The following FBLIM1 variants were observed in gnomAD, a reference collection of about 807,000 sequenced individuals.
FBLIM1 encodes filamin-binding LIM protein 1.
A neutral mutation model predicts 37.4 loss-of-function variants in FBLIM1; 29 were observed. The observed-to-expected ratio is 0.77, with a 90% CI of 0.58 to 1.06. FBLIM1 has a LOEUF of 1.06. Ranked by LOEUF, FBLIM1 falls within the 50% of genes least tolerant of loss-of-function variation. The pLI is 0.00. For missense variants in FBLIM1, 449 were observed against 505.6 expected (o/e 0.89, Z 1.07); for synonymous variants, 193 against 199.0 (o/e 0.97, Z 0.25).
chr1:15,769,180 T>A (rs947907710), intron 5 of FBLIM1, among the ~76,000 whole-genome samples: 7 of 152,174 alleles, frequency 4.6e-5, no homozygotes, highest in Admixed American at 3.3e-4. Flanking sequence ...CACATCAGAA[T>A]ATAAAGTGGC....
At chr1:15,778,341 G>C (rs1210525147) in intron 8 of FBLIM1, among the ~76,000 whole-genome samples, 1 of 152,132 alleles carries the variant, frequency 6.6e-6, no homozygotes, top group African/African-American at 2.4e-5. Context: ...GAGATGGGTG[G>C]ATTACTTGAG....
intron 7 of FBLIM1, among the ~76,000 whole-genome samples, chr1:15,776,593 A>ATGTG (rs2069495385): frequency 1.3e-5 from 2 of 151,598 alleles, no homozygotes; most frequent in East Asian, 2.0e-4. Context: ...GGCTGGGCAC[A>ATGTG]GTGGCTCACG....
At chr1:15,769,146 C>T (rs923176497) in intron 5 of FBLIM1, among the ~76,000 whole-genome samples, 1 of 152,192 alleles carries the variant, frequency 6.6e-6, no homozygotes, top group Admixed American at 6.5e-5. Flanking sequence ...ACTTTCTTTC[C>T]TTCGTACATC....
chr1:15,784,935 G>A lies in FBLIM1; in HGVS notation c.*274G>A, dbSNP rs114521883. On this transcript the variant is annotated 3_prime_UTR_variant, in exon 9 of 9. Coordinates refer to ENST00000375766, the MANE Select transcript of FBLIM1 (RefSeq NM_017556.4). ...CCCCACTTCCAGGGAAAAGCTGGGGGAGGTTGGACCCCTCTCACTGACTAG... is the reference window on the plus strand; with the variant it reads ...CCCCACTTCCAGGGAAAAGCTGGGGAAGGTTGGACCCCTCTCACTGACTAG... 8,164 of 350,070 alleles carry A rather than the reference G, an allele frequency of 0.023. 143 individuals are homozygous for A. Among genetic ancestry groups the A allele is most frequent in the Middle Eastern group, 0.062 (78 of 1,268 alleles). 21.7% of individuals were successfully genotyped at this position (350,070 alleles called of 1,614,324 possible).
chr1:15,767,460 C>A lies in FBLIM1; in HGVS notation c.335C>A (p.Pro112Gln). ...CTCCCACCCCCTCCACCGCCCCCTC[C>A]AGTGCTTCTGCCTTCTGAAGAGGAG... Reference protein sequence around the residue: ...DLLPPPPPPPPVLLPSEEEAP... With the variant: ...DLLPPPPPPPQVLLPSEEEAP... Residue 112 changes from proline to glutamine, a missense_variant, in exon 4 of 9, where the codon CCA becomes CAA. By Grantham distance (76) the Pro-to-Gln change is moderately conservative. Coordinates refer to ENST00000375766, the MANE Select transcript of FBLIM1 (RefSeq NM_017556.4). 1.3e-6 allele frequency: 2 copies of A among 1,573,786 alleles called. No homozygotes were observed. Among genetic ancestry groups the A allele is most frequent in the Non-Finnish European group, 8.6e-7 (1 of 1,161,264 alleles).
chr1:15,759,296 T>C (rs889980913), intron 1 of FBLIM1, among the ~76,000 whole-genome samples: 3 of 152,192 alleles, frequency 2.0e-5, no homozygotes, highest in African/African-American at 7.2e-5. Context: ...AGGCCCCTTT[T>C]CCTAGCCAGG....
rs758305400 is a variant in FBLIM1, at chr1:15,774,892, G to C, written c.890+96G>C. The C allele has an allele frequency of 1.9e-6, 3 of 1,608,670 alleles. No individual in the cohort carries two copies. The South Asian group carries it at 3.3e-5, about 18-fold the overall frequency. On this transcript the variant is annotated intron_variant, in intron 7 of 8. Transcript: ENST00000375766. Reference sequence around the variant, plus strand: ...AGCTTGAGTCCTGGGTGCTGGGCCAGAGTTTCCTGTCTACTGGTTTATTAT... The same window carrying C: ...AGCTTGAGTCCTGGGTGCTGGGCCACAGTTTCCTGTCTACTGGTTTATTAT...
chr1:15,770,022 C>T (rs1296907703), intron 5 of FBLIM1, among the ~76,000 whole-genome samples: 1 of 152,020 alleles, frequency 6.6e-6, no homozygotes, highest in Non-Finnish European at 1.5e-5. Context: ...TCTCGGCTCA[C>T]TATAACCTCT....
rs1037912666 is a variant in FBLIM1, at chr1:15,777,098, A to C, written c.891-72A>C. 2.4e-6 allele frequency: 3 copies of C among 1,245,744 alleles called. No homozygotes were observed. The Admixed American group carries it at 5.7e-5, about 24-fold the overall frequency. 77.2% of individuals were successfully genotyped at this position (1,245,744 alleles called of 1,614,324 possible). ...CAGGAGGTGAACACCAGCCAGCCCG[A>C]GTTCTGACAGCTAATTAATTTCTGT... On this transcript the variant is annotated intron_variant, in intron 7 of 8. Transcript: ENST00000375766.
chr1:15,783,665 T>C (rs2069701912), intron 8 of FBLIM1, among the ~76,000 whole-genome samples: 1 of 139,342 alleles, frequency 7.2e-6, no homozygotes, highest in South Asian at 2.5e-4. Context: ...AAGCTCTGCC[T>C]CCCGGGTTCA....
At chr1:15,781,520 CAAA>C (rs1283687524) in intron 8 of FBLIM1, among the ~76,000 whole-genome samples, 1 of 25,170 alleles carries the variant, frequency 4.0e-5, no homozygotes. Flanking sequence ...GACTCTGTCT[CAAA>C]AAAAAAAAAA....
chr1:15,775,804 C>T (rs2069469474), intron 7 of FBLIM1, among the ~76,000 whole-genome samples: 1 of 152,042 alleles, frequency 6.6e-6, no homozygotes, highest in Non-Finnish European at 1.5e-5. Flanking sequence ...AGCTAATAAA[C>T]TGAGAGGGAA....
intron 5 of FBLIM1, among the ~76,000 whole-genome samples, 196 bp from the exon 6 acceptor site, chr1:15,770,213 C>T (rs1016012603): frequency 7.9e-5 from 12 of 152,162 alleles, no homozygotes; most frequent in Non-Finnish European, 1.8e-4. Context: ...TCCCAAAGTG[C>T]TGGCATTACA....
chr1:15,767,301 G>C (rs1249314972), intron 3 of FBLIM1, 75 bp from the exon 4 acceptor site: 3 of 1,380,092 alleles, frequency 2.2e-6, no homozygotes, highest in African/African-American at 3.0e-5. Flanking sequence ...CCTCTGTATG[G>C]CCATGTAGGT....
At chr1:15,770,742 G>A (rs10803398) in intron 6 of FBLIM1, among the ~76,000 whole-genome samples, 164 bp downstream of exon 6, 119,809 of 152,094 alleles carry the variant, frequency 0.79, 47,910 homozygotes, top group East Asian at 0.99. Flanking sequence ...GAAGGCGATT[G>A]GTTTCCTAGG....
intron 7 of FBLIM1, 197 bp downstream of exon 7, chr1:15,774,993 T>TGGATCACGAGGTCA: frequency 5.2e-6 from 6 of 1,146,412 alleles, no homozygotes; most frequent in Non-Finnish European, 6.1e-6. Context: ...CCGAGGCGGG[T>TGGATCACGAGGTCA]GGATCACGAG....
chr1:15,766,245 C>T (rs990553022), intron 3 of FBLIM1, among the ~76,000 whole-genome samples: 1 of 151,798 alleles, frequency 6.6e-6, no homozygotes, highest in Non-Finnish European at 1.5e-5. Context: ...GGAGCTGGGA[C>T]CACAAGCTCT....
At chr1:15,779,395 C>T (rs2069579391) in intron 8 of FBLIM1, among the ~76,000 whole-genome samples, 2 of 152,134 alleles carry the variant, frequency 1.3e-5, no homozygotes, top group South Asian at 2.1e-4. Flanking sequence ...ACCTCCACCT[C>T]CTGGGTTCAT....
At chr1:15,776,072 T>G (rs934652470) in intron 7 of FBLIM1, among the ~76,000 whole-genome samples, 1 of 151,998 alleles carries the variant, frequency 6.6e-6, no homozygotes, top group South Asian at 2.1e-4. Flanking sequence ...TTATAACAAG[T>G]GCTATGGGAG....
Sources: gnomAD v4.1 joint callset for allele counts (sites outside exome capture counted in the v4.1 genomes callset) on GRCh38, gnomAD v4.1.1 for gene constraint, MANE v1.5 for transcripts, NCBI Gene and HGNC (gene_info 2026-07-23, HGNC 2026-07-21) for gene names.